FBXO33: variants seen among roughly 807,000 people sequenced by gnomAD.
FBXO33 encodes the protein F-box protein 33.
Under a neutral mutation model 46.3 loss-of-function variants are expected in FBXO33, and 22 were observed. The ratio of observed to expected loss-of-function variants is 0.48; its 90% CI spans 0.34 to 0.68. FBXO33 has a LOEUF of 0.68. Among genes scored for constraint, FBXO33 ranks in the 30% least tolerant of loss-of-function variants. The probability of loss-of-function intolerance (pLI) is 0.01; values close to 1 mark genes in which losing one functional copy is unlikely to be tolerated. For synonymous variants in FBXO33, 337 were observed against 291.3 expected, an observed-to-expected ratio of 1.16 and a Z score of -1.60; for missense variants, 692 against 708.8, an observed-to-expected ratio of 0.98 and a Z score of 0.27.
In FBXO33 at chr14:39,432,147, A is replaced by G; in HGVS notation, c.16T>C (p.Ser6Pro). 1.6e-6 allele frequency: 2 copies of G among 1,235,968 alleles called. No individual in the cohort carries two copies. The highest frequency in any genetic ancestry group is 2.0e-6 in the Non-Finnish European group (2 of 989,588). 76.6% of individuals were successfully genotyped at this position (1,235,968 alleles called of 1,614,324 possible). A position where few individuals can be genotyped will look rare whatever the true frequency, so the allele number is the denominator to read the frequency against. The part of the protein sequence containing the change: MLLFL[S>P]VPQPRPPGAR... ...CCCGGCGGTCGGGGCTGCGGCACTG[A>G]CAAGAACAACAACATCAATGACTAG... is the stretch of plus-strand genomic sequence containing the variant. The change falls in exon 1 of 4, where the codon TCA becomes CCA. Residue 6 changes from serine (S) to proline (P), a missense_variant. Physicochemically the swap from Ser to Pro is moderately conservative, Grantham distance 74. This residue lies in a region of FBXO33 where 412 missense variants were observed against 370.8 expected (regional missense o/e 1.11). Transcript: ENST00000298097.
chr14:39,405,651 T>G (rs1402822581), intron 1 of FBXO33, among the ~76,000 whole-genome samples: 1 of 151,972 alleles, frequency 6.6e-6, no homozygotes, highest in Non-Finnish European at 1.5e-5. Context: ...ATGAAAAACT[T>G]GATATCCAAC....
At chr14:39,420,558 G>C (rs2139416266) in intron 1 of FBXO33, among the ~76,000 whole-genome samples, 1 of 152,210 alleles carries the variant, frequency 6.6e-6, no homozygotes, top group Non-Finnish European at 1.5e-5. Context: ...GTGGTGGTGG[G>C]CACCTGTATG....
At chr14:39,401,117 G>A in intron 3 of FBXO33, 59 bp downstream of exon 3, 1 of 1,458,860 alleles carries the variant, frequency 6.9e-7, no homozygotes, top group South Asian at 1.4e-5. Context: ...TCTCTTTACT[G>A]GCAGAAAATG....
chr14:39,418,492 G>T (rs2139414475), intron 1 of FBXO33, among the ~76,000 whole-genome samples: 1 of 151,406 alleles, frequency 6.6e-6, no homozygotes, highest in East Asian at 2.0e-4. Flanking sequence ...TTAACAAACT[G>T]CAGCTGGGCG....
chr14:39,411,822 T>C (rs1474602795), intron 1 of FBXO33, among the ~76,000 whole-genome samples: 1 of 152,244 alleles, frequency 6.6e-6, no homozygotes, highest in African/African-American at 2.4e-5. Flanking sequence ...GCACCTGGCC[T>C]TGACTTCCCT....
intron 1 of FBXO33, among the ~76,000 whole-genome samples, chr14:39,412,347 T>C (rs1430328353): frequency 2.0e-5 from 3 of 152,246 alleles, no homozygotes; most frequent in African/African-American, 7.2e-5. Flanking sequence ...TAAAGTCTAT[T>C]TTCTAAGATA....
At chr14:39,405,636 T>C (rs770806557) in intron 1 of FBXO33, among the ~76,000 whole-genome samples, 37 of 152,066 alleles carry the variant, frequency 2.4e-4, no homozygotes, top group Non-Finnish European at 3.7e-4. Flanking sequence ...TTTGACTATA[T>C]AAAAATGAAA....
intron 1 of FBXO33, among the ~76,000 whole-genome samples, chr14:39,413,520 G>A (rs2075433333): frequency 6.6e-6 from 1 of 152,180 alleles, no homozygotes; most frequent in Admixed American, 6.5e-5. Flanking sequence ...GTTCTGAATG[G>A]CATCTAGAAT....
At chr14:39,431,535 G>A (rs754194089) in intron 1 of FBXO33, 29 bp downstream of exon 1, 2 of 1,606,924 alleles carry the variant, frequency 1.2e-6, no homozygotes, top group African/African-American at 1.3e-5. Context: ...CCCCGTTACC[G>A]GGCGGGGCGG....
chr14:39,412,303 A>G (rs2075427042), intron 1 of FBXO33, among the ~76,000 whole-genome samples: 1 of 152,224 alleles, frequency 6.6e-6, no homozygotes, highest in South Asian at 2.1e-4. Context: ...TTATCATTCT[A>G]TAATGACCTT....
rs772418319 is a variant in FBXO33, at chr14:39,399,620, C to T, written c.1564G>A (p.Gly522Ser). The change falls in exon 4 of 4, where the codon GGT becomes AGT. Residue 522 changes from glycine (G) to serine (S), a missense_variant. Gly to Ser is a moderately conservative substitution (Grantham distance 56). Transcript: ENST00000298097. ...TCCATGACTGCATGCCAAGGTTGAC[C>T]CAGGCCCAGGGATACCTGCTCAATA... ...NLIEQVSLGL[G>S]QPWHAVMDIE... is the part of the protein sequence containing the mutation. 6.2e-7 allele frequency: 1 copy of T among 1,613,804 alleles called. No individual in the cohort carries two copies. The highest frequency in any genetic ancestry group is 8.5e-7 in the Non-Finnish European group (1 of 1,179,942).
At chr14:39,431,180 C>A (rs1193735946) in intron 1 of FBXO33, among the ~76,000 whole-genome samples, 1 of 152,122 alleles carries the variant, frequency 6.6e-6, no homozygotes, top group Non-Finnish European at 1.5e-5. Context: ...GTCAGAAAAT[C>A]GTGTTATGTG....
chr14:39,427,409 G>T (rs966861374), intron 1 of FBXO33, among the ~76,000 whole-genome samples: 4 of 152,130 alleles, frequency 2.6e-5, no homozygotes, highest in African/African-American at 9.7e-5. Flanking sequence ...GGGCAGATTG[G>T]TCACAGGCCC....
chr14:39,422,973 T>C (rs2075492575), intron 1 of FBXO33, among the ~76,000 whole-genome samples: 1 of 151,944 alleles, frequency 6.6e-6, no homozygotes, highest in Non-Finnish European at 1.5e-5. Flanking sequence ...AATACAAAAA[T>C]TAGCTAGGTG....
chr14:39,408,950 A>G (rs2075410695), intron 1 of FBXO33, among the ~76,000 whole-genome samples: 1 of 149,664 alleles, frequency 6.7e-6, no homozygotes, highest in Non-Finnish European at 1.5e-5. Flanking sequence ...TACTTTTTGT[A>G]TTTTTTTGTA....
chr14:39,413,677 C>T (rs979349938), intron 1 of FBXO33, among the ~76,000 whole-genome samples: 4 of 152,198 alleles, frequency 2.6e-5, no homozygotes, highest in African/African-American at 9.7e-5. Context: ...CCATGGGCTG[C>T]AGAACAGATG....
chr14:39,420,014 C>T (rs1195644458), intron 1 of FBXO33, among the ~76,000 whole-genome samples: 2 of 152,194 alleles, frequency 1.3e-5, no homozygotes, highest in African/African-American at 4.8e-5. Context: ...TTGTCCTTAA[C>T]AGTATTTTTA....
chr14:39,420,282 T>C (rs1473075117), intron 1 of FBXO33, among the ~76,000 whole-genome samples: 3 of 152,224 alleles, frequency 2.0e-5, no homozygotes, highest in Non-Finnish European at 4.4e-5. Context: ...CTGATAACTC[T>C]GTTATCAATG....
intron 1 of FBXO33, among the ~76,000 whole-genome samples, chr14:39,406,590 C>T (rs1244554537): frequency 5.3e-5 from 8 of 152,166 alleles, no homozygotes; most frequent in Middle Eastern, 6.3e-3. Context: ...GCCTGGTAGT[C>T]TCCCTGAATC....
Sources: gnomAD v4.1 joint callset for allele counts (sites outside exome capture counted in the v4.1 genomes callset) on GRCh38, gnomAD v4.1.1 for gene constraint, gnomAD v4.1.1 regional missense constraint, MANE v1.5 for transcripts, NCBI Gene and HGNC (gene_info 2026-07-23, HGNC 2026-07-21) for gene names.